The following LAMA2 variants were observed in gnomAD, a reference collection of about 807,000 sequenced individuals.
LAMA2 encodes the protein laminin subunit alpha-2.
In LAMA2, 269 loss-of-function variants were observed where a neutral mutation model predicts 364.8. The observed-to-expected ratio is 0.74, with a 90% CI of 0.67 to 0.82. The LOEUF (loss-of-function observed/expected upper bound fraction) is 0.82. Ranked by LOEUF, LAMA2 falls within the 40% of genes least tolerant of loss-of-function variation. The probability of loss-of-function intolerance (pLI) is 0.00; values close to 1 mark genes in which losing one functional copy is unlikely to be tolerated. For synonymous variants in LAMA2, 1,379 were observed against 1,370.6 expected, an observed-to-expected ratio of 1.01 and a Z score of -0.14; for missense variants, 3,807 against 3,873.2, an observed-to-expected ratio of 0.98 and a Z score of 0.45.
chr6:129,287,542 G>A (rs943251245), intron 18 of LAMA2, among the ~76,000 whole-genome samples: 8 of 152,194 alleles, frequency 5.3e-5, no homozygotes, highest in Admixed American at 2.0e-4. Flanking sequence ...TTCCAACATG[G>A]ACCTGGATTC....
At chr6:129,100,213 A>C (rs1035010372) in intron 4 of LAMA2, among the ~76,000 whole-genome samples, 2 of 152,178 alleles carry the variant, frequency 1.3e-5, no homozygotes, top group African/African-American at 2.4e-5. Context: ...AACAAAAGAC[A>C]TGTTTATTAG....
At chr6:128,929,166 T>TA in intron 1 of LAMA2, 1 of 1,453,680 alleles carries the variant, frequency 6.9e-7, no homozygotes, top group Non-Finnish European at 9.7e-7. Flanking sequence ...GGCCGGTAGA[T>TA]AAAATGAATG....
chr6:129,274,813 A>G (rs933517618), intron 17 of LAMA2, among the ~76,000 whole-genome samples: 19 of 152,034 alleles, frequency 1.2e-4, no homozygotes, highest in Admixed American at 3.9e-4. Context: ...TCGAATGTTT[A>G]TATTCTTTAA....
chr6:129,119,549 A>AT (rs1554221032), intron 4 of LAMA2, among the ~76,000 whole-genome samples: 1 of 151,080 alleles, frequency 6.6e-6, no homozygotes, highest in Non-Finnish European at 1.5e-5. Flanking sequence ...TAATTAATTA[A>AT]TTATTTATTT....
intron 18 of LAMA2, among the ~76,000 whole-genome samples, chr6:129,286,272 C>T (rs1000529161): frequency 8.6e-5 from 13 of 151,770 alleles, no homozygotes; most frequent in African/African-American, 2.9e-4. Context: ...GCAAAGATAA[C>T]AGAGCTAGCC....
rs12174601 is a variant in LAMA2, at chr6:129,048,608, C to T, written c.113-1310C>T. Among the ~76,000 whole-genome samples, 4 of 2,908 alleles carry T rather than the reference C, an allele frequency of 1.4e-3. No homozygotes were observed. In the Non-Finnish European group the frequency reaches 0.048, roughly 35 times the overall value. The allele number at this position is 2,908 out of a possible 152,430, so 1.9% of individuals were successfully genotyped here. ...TTCTTTGCTTCCTTCCTTCCTTTCT[C>T]TCTCTCTCTCTCTCTCTCTCTTTCT... On this transcript the variant is annotated intron_variant, in intron 1 of 64. Transcript: ENST00000421865.
chr6:128,906,156 G>A (rs1265976614), intron 1 of LAMA2, among the ~76,000 whole-genome samples: 53 of 134,604 alleles, frequency 3.9e-4, no homozygotes, highest in African/African-American at 1.5e-3. Context: ...ACCCAGTAAT[G>A]GGATGGCTGG....
At chr6:129,405,773 G>A (rs527356471) in intron 40 of LAMA2, among the ~76,000 whole-genome samples, 17 of 152,184 alleles carry the variant, frequency 1.1e-4, no homozygotes, top group African/African-American at 2.9e-4. Flanking sequence ...AAAGCATTAC[G>A]TTGAGTAATT....
At chr6:129,157,868 G>T (rs1338311627) in intron 8 of LAMA2, 15 of 1,614,100 alleles carry the variant, frequency 9.3e-6, no homozygotes, top group Admixed American at 3.3e-5. Context: ...AGTGGTTTTT[G>T]TTCAGGCTTT....
chr6:129,181,450 AAAG>A (rs1258785523), intron 10 of LAMA2, among the ~76,000 whole-genome samples: 1 of 152,086 alleles, frequency 6.6e-6, no homozygotes, highest in African/African-American at 2.4e-5. Flanking sequence ...AAGAATAAAC[AAAG>A]AAGGAATAGA....
chr6:129,297,668 T>C lies in LAMA2; in HGVS notation c.2857-17T>C. On this transcript the variant is annotated splice_polypyrimidine_tract_variant and intron_variant, in intron 20 of 64. Coordinates refer to ENST00000421865, the MANE Select transcript of LAMA2 (RefSeq NM_000426.4). Reference sequence around the variant, plus strand: ...AACTGATTTAAATTTAATTTTTCTCTCCTCTTCCATTGCCAGGCTGGGACC... The same window carrying C: ...AACTGATTTAAATTTAATTTTTCTCCCCTCTTCCATTGCCAGGCTGGGACC... 3.1e-6 allele frequency: 5 copies of C among 1,612,384 alleles called. No individual in the cohort carries two copies. The highest frequency in any genetic ancestry group is 4.2e-6 in the Non-Finnish European group (5 of 1,179,358).
chr6:129,506,311 C>T (rs1373174145), intron 61 of LAMA2, among the ~76,000 whole-genome samples: 1 of 151,876 alleles, frequency 6.6e-6, no homozygotes, highest in African/African-American at 2.4e-5. Flanking sequence ...TGTAATAGCA[C>T]CACTGCATTC....
At chr6:129,168,524 A>G (rs1420490670) in intron 9 of LAMA2, among the ~76,000 whole-genome samples, 149 of 151,618 alleles carry the variant, frequency 9.8e-4, no homozygotes, top group Middle Eastern at 3.4e-3. Flanking sequence ...ATTGATCTAT[A>G]TCTCTGTTTT....
intron 8 of LAMA2, chr6:129,159,135 G>A (rs933233641): frequency 1.3e-6 from 2 of 1,551,242 alleles, no homozygotes; most frequent in African/African-American, 1.4e-5. Context: ...CAATTGTAAT[G>A]TTTCCTGTGT....
intron 44 of LAMA2, among the ~76,000 whole-genome samples, chr6:129,444,425 C>T (rs9402132): frequency 0.22 from 33,134 of 151,978 alleles, 4,692 homozygotes; most frequent in African/African-American, 0.4. Context: ...TTATTAAAAG[C>T]ATACAAAATA....
intron 15 of LAMA2, among the ~76,000 whole-genome samples, chr6:129,262,456 A>C (rs1787199733): frequency 6.6e-6 from 1 of 152,070 alleles, no homozygotes; most frequent in Non-Finnish European, 1.5e-5. Flanking sequence ...ATGCTAAATA[A>C]TGGTAACAGA....
chr6:129,293,648 C>G (rs1289862240), intron 20 of LAMA2, among the ~76,000 whole-genome samples: 1 of 151,764 alleles, frequency 6.6e-6, no homozygotes, highest in Non-Finnish European at 1.5e-5. Context: ...CAAAACAAAA[C>G]AAATGCTGGG....
At chr6:129,235,360 T>C (rs962488007) in intron 12 of LAMA2, among the ~76,000 whole-genome samples, 5 of 152,196 alleles carry the variant, frequency 3.3e-5, no homozygotes, top group South Asian at 2.1e-4. Flanking sequence ...TGTGTCTCCC[T>C]TCACTTATTC....
At position 129,401,308 on chromosome 6, in the gene LAMA2, C is replaced by A. The variant is rs56173620; in HGVS notation, c.5530C>A (p.Arg1844Ser). Residue 1844 changes from arginine to serine, a missense_variant, in exon 38 of 65, where the codon CGT (arginine) becomes AGT (serine). This residue lies in a region of LAMA2 where 3,333 missense variants were observed against 3,345.7 expected (regional missense o/e 1.00). Transcript: ENST00000421865. ...CAATGACATACTCGATGAAGCCAACCGTCTTGCAGATGAAATCAACTCCAT... is the reference window on the plus strand; with the variant it reads ...CAATGACATACTCGATGAAGCCAACAGTCTTGCAGATGAAATCAACTCCAT... ...EGNDILDEAN[R>S]LADEINSIID... The A allele has an allele frequency of 0.015, 24,890 of 1,610,812 alleles. 250 individuals carry two copies. The highest frequency in any genetic ancestry group is 0.019 in the Non-Finnish European group (22,943 of 1,177,104).
Sources: gnomAD v4.1 joint callset for allele counts (sites outside exome capture counted in the v4.1 genomes callset) on GRCh38, gnomAD v4.1.1 for gene constraint, gnomAD v4.1.1 regional missense constraint, MANE v1.5 for transcripts, NCBI Gene and HGNC (gene_info 2026-07-23, HGNC 2026-07-21) for gene names.